PLCB1: variants seen among roughly 807,000 people sequenced by gnomAD.
PLCB1 encodes 1-phosphatidylinositol 4,5-bisphosphate phosphodiesterase beta-1.
PLCB1 carries 46 observed loss-of-function variants against 161.8 expected under a neutral mutation model. The observed-to-expected ratio is 0.28, with a 90% CI of 0.22 to 0.36. The LOEUF is 0.36. Among genes scored for constraint, PLCB1 ranks in the 10% least tolerant of loss-of-function variants. PLCB1 has a pLI of 1.00. For synonymous variants in PLCB1, 517 were observed against 503.7 expected (o/e 1.03, Z -0.35); for missense variants, 1,016 against 1,472.5 (o/e 0.69, Z 5.07).
At chr20:8,554,789 C>T (rs931296917) in intron 3 of PLCB1, among the ~76,000 whole-genome samples, 33 of 152,062 alleles carry the variant, frequency 2.2e-4, no homozygotes, top group African/African-American at 7.7e-4. Context: ...AATTGCCCAG[C>T]TTCTGAGTTC....
At chr20:8,571,004 G>C (rs1303460406) in intron 3 of PLCB1, among the ~76,000 whole-genome samples, 1 of 152,146 alleles carries the variant, frequency 6.6e-6, no homozygotes, top group Admixed American at 6.5e-5. Flanking sequence ...CTGTGAAGCA[G>C]AGCCATGGTG....
At chr20:8,572,684 T>A (rs1236448731) in intron 3 of PLCB1, among the ~76,000 whole-genome samples, 1 of 152,156 alleles carries the variant, frequency 6.6e-6, no homozygotes, top group African/African-American at 2.4e-5. Context: ...GCATTCTCCA[T>A]TGTTCGATCA....
chr20:8,441,647 A>G (rs1359500139), intron 3 of PLCB1, among the ~76,000 whole-genome samples: 1 of 152,220 alleles, frequency 6.6e-6, no homozygotes, highest in Non-Finnish European at 1.5e-5. Context: ...TTAACCAGGC[A>G]GGTGTGAAAC....
chr20:8,379,035 T>C (rs1054877938), intron 3 of PLCB1, among the ~76,000 whole-genome samples: 79 of 152,308 alleles, frequency 5.2e-4, no homozygotes, highest in African/African-American at 1.8e-3. Context: ...GTTTGTTACA[T>C]AGGTATACGC....
At chr20:8,772,890 A>G (rs868866719) in intron 26 of PLCB1, among the ~76,000 whole-genome samples, 1 of 152,162 alleles carries the variant, frequency 6.6e-6, no homozygotes, top group African/African-American at 2.4e-5. Flanking sequence ...AGATCGTGCC[A>G]TTGCACTCTA....
chr20:8,358,334 C>T (rs754669507), intron 2 of PLCB1, among the ~76,000 whole-genome samples: 11 of 152,134 alleles, frequency 7.2e-5, no homozygotes, highest in Non-Finnish European at 8.8e-5. Flanking sequence ...TTGCAACCTC[C>T]GCCTCCCGGG....
At chr20:8,735,479 C>T (rs1486637559) in intron 19 of PLCB1, among the ~76,000 whole-genome samples, 1 of 152,168 alleles carries the variant, frequency 6.6e-6, no homozygotes, top group African/African-American at 2.4e-5. Context: ...TAGCTAGAGC[C>T]AAGATACAGA....
intron 31 of PLCB1, among the ~76,000 whole-genome samples, chr20:8,845,822 A>G (rs1986671836): frequency 6.6e-6 from 1 of 152,264 alleles, no homozygotes; most frequent in Admixed American, 6.5e-5. Flanking sequence ...TATAATTCAC[A>G]TATTTAATGC....
intron 3 of PLCB1, among the ~76,000 whole-genome samples, chr20:8,617,028 G>A (rs1467430042): frequency 6.6e-6 from 1 of 152,114 alleles, no homozygotes; most frequent in African/African-American, 2.4e-5. Context: ...TCTCCTGCTG[G>A]GAAGAAGAAA....
chr20:8,286,922 C>G (rs1013800637), intron 2 of PLCB1, among the ~76,000 whole-genome samples: 6 of 152,106 alleles, frequency 3.9e-5, no homozygotes, highest in African/African-American at 1.4e-4. Context: ...TAGAAATTAT[C>G]AGTGGACTTT....
intron 31 of PLCB1, among the ~76,000 whole-genome samples, chr20:8,857,090 C>T (rs892200962): frequency 5.3e-5 from 8 of 152,150 alleles, no homozygotes; most frequent in Non-Finnish European, 8.8e-5. Flanking sequence ...CTAGAACGAC[C>T]GGATCTCTCC....
At chr20:8,750,455 A>G (rs1359471791) in intron 23 of PLCB1, among the ~76,000 whole-genome samples, 2 of 152,180 alleles carry the variant, frequency 1.3e-5, no homozygotes, top group South Asian at 2.1e-4. Flanking sequence ...AGGAACACCT[A>G]TATATCAGCC....
intron 3 of PLCB1, among the ~76,000 whole-genome samples, chr20:8,600,425 C>T (rs1436750928): frequency 6.9e-6 from 1 of 145,228 alleles, no homozygotes; most frequent in Non-Finnish European, 1.5e-5. Context: ...GGTCAGGGGT[C>T]AGGGACCCAC....
intron 2 of PLCB1, among the ~76,000 whole-genome samples, chr20:8,211,448 A>G (rs550534606): frequency 6.6e-6 from 1 of 152,214 alleles, no homozygotes; most frequent in South Asian, 2.1e-4. Context: ...GACCATTTAC[A>G]TGGAAGTGTT....
chr20:8,452,988 C>T (rs1425521609), intron 3 of PLCB1, among the ~76,000 whole-genome samples: 4 of 152,170 alleles, frequency 2.6e-5, no homozygotes, highest in Admixed American at 2.6e-4. Context: ...GAGAATTTCT[C>T]CTCTATTTAT....
chr20:8,629,867 T>TTCTCTC (rs1414776131), intron 4 of PLCB1, among the ~76,000 whole-genome samples: 1 of 111,190 alleles, frequency 9.0e-6, no homozygotes, highest in African/African-American at 3.7e-5. Flanking sequence ...CTTTCTTTCT[T>TTCTCTC]TCTTTCTTTC....
At chr20:8,863,921 G>A (rs1987339623) in intron 31 of PLCB1, among the ~76,000 whole-genome samples, 1 of 152,258 alleles carries the variant, frequency 6.6e-6, no homozygotes, top group East Asian at 1.9e-4. Context: ...CATAGGTAAA[G>A]ATTAAGTTGG....
At chr20:8,696,234 G>C (rs1316780261) in intron 10 of PLCB1, among the ~76,000 whole-genome samples, 3 of 152,148 alleles carry the variant, frequency 2.0e-5, no homozygotes, top group Non-Finnish European at 4.4e-5. Flanking sequence ...TGGCTATCCA[G>C]TTGTCCCAAC....
chr20:8,564,564 G>T (rs185421917), intron 3 of PLCB1, among the ~76,000 whole-genome samples: 11 of 152,110 alleles, frequency 7.2e-5, no homozygotes, highest in Admixed American at 7.2e-4. Flanking sequence ...CAGAATGGGA[G>T]AAAATTTTTG....
Sources: allele counts gnomAD v4.1 joint callset (sites outside exome capture counted in the v4.1 genomes callset), GRCh38; gene constraint gnomAD v4.1.1; transcripts MANE v1.5; gene names NCBI Gene and HGNC (gene_info 2026-07-23, HGNC 2026-07-21).